Variants in BCL2L11 observed in about 807,000 individuals in gnomAD.
BCL2L11 encodes BCL2 like 11, also known as bcl-2-like protein 11.
A neutral mutation model predicts 20.6 loss-of-function variants in BCL2L11; 15 were observed. The ratio of observed to expected loss-of-function variants is 0.73; its 90% confidence interval spans 0.49 to 1.12. The LOEUF (loss-of-function observed/expected upper bound fraction) is 1.12, where lower values mean the gene tolerates loss of function less well. BCL2L11 is among the 50% of genes most tolerant of loss of function. The pLI is 0.00. For synonymous variants in BCL2L11, 108 were observed against 92.8 expected (o/e 1.16, Z -0.94); for missense variants, 292 against 260.9 (o/e 1.12, Z -0.82).
At chr2:111,128,852 C>G (rs2073266463) in intron 2 of BCL2L11, 1 of 1,412,608 alleles carries the variant, frequency 7.1e-7, no homozygotes, top group African/African-American at 1.5e-5. Context: ...TTGACTTTCT[C>G]TGTTTCTTTC....
chr2:111,135,163 G>T (rs925983113), intron 2 of BCL2L11, among the ~76,000 whole-genome samples: 4 of 152,096 alleles, frequency 2.6e-5, no homozygotes, highest in Non-Finnish European at 4.4e-5. Context: ...AAGTTCCTGA[G>T]ACTGTTCATT....
chr2:111,142,434 C>G (rs565420761), intron 2 of BCL2L11: 1 of 1,469,332 alleles, frequency 6.8e-7, no homozygotes, highest in Non-Finnish European at 9.3e-7. Context: ...TAAAAAGAAG[C>G]AGCTGCCTTT....
intron 2 of BCL2L11, among the ~76,000 whole-genome samples, chr2:111,136,167 C>T (rs2074847832): frequency 6.6e-6 from 1 of 152,116 alleles, no homozygotes; most frequent in African/African-American, 2.4e-5. Flanking sequence ...ACCCTCTTTT[C>T]AGTCCCTTGG....
At chr2:111,136,388 G>T (rs1453981662) in intron 2 of BCL2L11, among the ~76,000 whole-genome samples, 1 of 152,142 alleles carries the variant, frequency 6.6e-6, no homozygotes, top group Non-Finnish European at 1.5e-5. Context: ...GTTCTCTCTA[G>T]GGTTGTCTGA....
intron 2 of BCL2L11, 118 bp downstream of exon 2, chr2:111,124,257 G>T (rs988116480): frequency 3.0e-5 from 36 of 1,202,756 alleles, no homozygotes; most frequent in Non-Finnish European, 3.8e-5. Flanking sequence ...TCCATCTTTA[G>T]ATGGGAATGG....
intron 2 of BCL2L11, among the ~76,000 whole-genome samples, chr2:111,142,884 A>G (rs1183691650): frequency 6.6e-6 from 1 of 152,194 alleles, no homozygotes; most frequent in Non-Finnish European, 1.5e-5. Context: ...AGTAACTTCA[A>G]ATTAAGCATT....
chr2:111,146,087 A>T (rs892520126), intron 2 of BCL2L11: 12 of 956,902 alleles, frequency 1.3e-5, no homozygotes, highest in Non-Finnish European at 1.5e-5. Context: ...ATTGTGCTTT[A>T]AAAAAAAAAT....
At chr2:111,144,377 G>T in intron 2 of BCL2L11, 2 of 1,168,390 alleles carry the variant, frequency 1.7e-6, no homozygotes, top group South Asian at 1.3e-5. Flanking sequence ...GTGTGTTGTT[G>T]GTTACTTGCT....
intron 3 of BCL2L11, among the ~76,000 whole-genome samples, chr2:111,150,812 G>A (rs1026786652): frequency 2.6e-5 from 4 of 152,094 alleles, no homozygotes; most frequent in Admixed American, 2.0e-4. Context: ...TAGTAGAAGC[G>A]GTGTTTTTTG....
chr2:111,163,114 TGTCTGTGGGGGCCATTCGGG>T (rs1453083898), intron 3 of BCL2L11: 4 of 154,392 alleles, frequency 2.6e-5, no homozygotes, highest in Admixed American at 6.5e-5. Context: ...CTGCGGCTGG[TGTCTGTGGGGGCCATTCGGG>T]GTCTGAGGGG....
intron 2 of BCL2L11, among the ~76,000 whole-genome samples, chr2:111,140,184 C>T (rs550620408): frequency 6.6e-6 from 1 of 152,080 alleles, no homozygotes; most frequent in Non-Finnish European, 1.5e-5. Flanking sequence ...GCAGACTGCC[C>T]TCTGCACAGT....
chr2:111,121,484 A>G (rs2070900262), intron 1 of BCL2L11, among the ~76,000 whole-genome samples: 1 of 152,106 alleles, frequency 6.6e-6, no homozygotes, highest in Admixed American at 6.5e-5. Context: ...GGGCAGGAGG[A>G]GAGGCAGCGC....
intron 2 of BCL2L11, among the ~76,000 whole-genome samples, chr2:111,133,157 TG>T (rs755858638): frequency 7.9e-5 from 12 of 152,350 alleles, no homozygotes; most frequent in Non-Finnish European, 1.2e-4. Flanking sequence ...AGGTAAATTT[TG>T]CTCATGAAAG....
chr2:111,154,464 C>CTT (rs1311908521), intron 3 of BCL2L11, among the ~76,000 whole-genome samples: 6 of 152,164 alleles, frequency 3.9e-5, no homozygotes, highest in African/African-American at 1.4e-4. Flanking sequence ...AACCGTTCCT[C>CTT]TGTCTTTGTC....
intron 2 of BCL2L11, chr2:111,128,916 G>A (rs1000391173): frequency 1.7e-6 from 2 of 1,208,882 alleles, no homozygotes; most frequent in East Asian, 2.7e-5. Flanking sequence ...TGTGGCTGGT[G>A]TTCTGTTTCA....
chr2:111,152,587 G>A (rs1439726134), intron 3 of BCL2L11, among the ~76,000 whole-genome samples: 1 of 152,200 alleles, frequency 6.6e-6, no homozygotes, highest in East Asian at 1.9e-4. Flanking sequence ...GCTGGCATGG[G>A]GACTGGAGTG....
In BCL2L11 at chr2:111,128,657, C is replaced by T. The variant is rs535455721; in HGVS notation, c.394+4518C>T. ...ATCCTAGAGGATATAGGTGATCTTT[C>T]ACTGTGCTTTGGATTTATATTTACT... On this transcript the variant is annotated intron_variant, in intron 2 of 3. Coordinates refer to ENST00000393256, the MANE Select transcript of BCL2L11 (RefSeq NM_138621.5). 3.9e-5 allele frequency: 60 copies of T among 1,538,632 alleles called. No homozygotes were observed. The South Asian group carries it at 6.9e-4, about 18-fold the overall frequency.
intron 3 of BCL2L11, among the ~76,000 whole-genome samples, chr2:111,157,572 G>A (rs1427049530): frequency 2.0e-5 from 3 of 152,120 alleles, no homozygotes; most frequent in African/African-American, 7.2e-5. Context: ...AGAAGTGGCA[G>A]GTGGGAGTTG....
intron 3 of BCL2L11, among the ~76,000 whole-genome samples, chr2:111,152,882 T>G (rs17041887): frequency 0.035 from 5,290 of 152,306 alleles, 334 homozygotes; most frequent in African/African-American, 0.12. Context: ...TTTGTCTGAT[T>G]GCAGTATTTA....
Sources: allele counts gnomAD v4.1 joint callset (sites outside exome capture counted in the v4.1 genomes callset), GRCh38; gene constraint gnomAD v4.1.1; transcripts MANE v1.5; gene names NCBI Gene and HGNC (gene_info 2026-07-23, HGNC 2026-07-21).